The following GALNTL6 variants were observed in gnomAD, a reference collection of about 807,000 sequenced individuals.
GALNTL6 encodes polypeptide N-acetylgalactosaminyltransferase-like 6.
In GALNTL6, 46 loss-of-function variants were observed where a neutral mutation model predicts 73.7. That is an observed-to-expected ratio of 0.62 (90% CI 0.49 to 0.80). The LOEUF (loss-of-function observed/expected upper bound fraction) is 0.80, where lower values mean the gene tolerates loss of function less well. GALNTL6 is among the 30% of genes least tolerant of loss of function. GALNTL6 has a pLI of 0.00. For synonymous variants in GALNTL6, 259 were observed against 263.7 expected (o/e 0.98, Z 0.17); for missense variants, 604 against 755.0 (o/e 0.80, Z 2.34).
chr4:172,759,898 G>A (rs1371782014), intron 5 of GALNTL6, among the ~76,000 whole-genome samples: 1 of 131,770 alleles, frequency 7.6e-6, no homozygotes, highest in Non-Finnish European at 1.5e-5. Flanking sequence ...CTGCAGTGGC[G>A]CAATCTCGGC....
intron 8 of GALNTL6, among the ~76,000 whole-genome samples, chr4:172,898,410 A>C (rs1286085508): frequency 6.6e-6 from 1 of 151,838 alleles, no homozygotes; most frequent in Non-Finnish European, 1.5e-5. Flanking sequence ...AAGAAAATAA[A>C]GAGCAAAAGG....
chr4:171,968,939 C>A (rs957086975), intron 2 of GALNTL6, among the ~76,000 whole-genome samples: 1 of 151,714 alleles, frequency 6.6e-6, no homozygotes, highest in Non-Finnish European at 1.5e-5. Flanking sequence ...CAGGTTCAAG[C>A]GATTTTCCTG....
intron 5 of GALNTL6, among the ~76,000 whole-genome samples, chr4:172,628,700 G>A (rs1419264738): frequency 1.9e-4 from 29 of 152,020 alleles, no homozygotes; most frequent in Admixed American, 1.9e-3. Flanking sequence ...CATTATTCAA[G>A]GGCTCACAAT....
At chr4:171,936,068 T>A (rs753444482) in intron 2 of GALNTL6, among the ~76,000 whole-genome samples, 11 of 152,158 alleles carry the variant, frequency 7.2e-5, no homozygotes, top group African/African-American at 2.7e-4. Flanking sequence ...CAAAAAATTA[T>A]TTATGGTCTC....
At chr4:172,021,740 A>G (rs138205631) in intron 2 of GALNTL6, among the ~76,000 whole-genome samples, 2 of 152,198 alleles carry the variant, frequency 1.3e-5, no homozygotes, top group East Asian at 3.9e-4. Flanking sequence ...GCATAAAAAC[A>G]TATTATGTTC....
intron 5 of GALNTL6, among the ~76,000 whole-genome samples, chr4:172,399,314 AT>A (rs1014379353): frequency 4.6e-5 from 7 of 152,064 alleles, no homozygotes; most frequent in Non-Finnish European, 1.0e-4. Context: ...ATAAATTTTT[AT>A]TTTTGGCTAG....
At chr4:173,000,944 G>T (rs1312558912) in intron 10 of GALNTL6, among the ~76,000 whole-genome samples, 1 of 152,100 alleles carries the variant, frequency 6.6e-6, no homozygotes, top group African/African-American at 2.4e-5. Flanking sequence ...TGGAAATCAG[G>T]TTATTGCAGA....
intron 10 of GALNTL6, among the ~76,000 whole-genome samples, chr4:172,990,736 A>G (rs1579751399): frequency 6.6e-6 from 1 of 152,228 alleles, no homozygotes; most frequent in East Asian, 1.9e-4. Context: ...ACAATTAAAG[A>G]CAAAATCAAC....
chr4:172,700,911 G>T (rs1733990531), intron 5 of GALNTL6, among the ~76,000 whole-genome samples: 1 of 152,002 alleles, frequency 6.6e-6, no homozygotes, highest in Non-Finnish European at 1.5e-5. Context: ...AACCGAAAAT[G>T]CAACAGTCTG....
At chr4:172,658,423 C>T (rs1097576) in intron 5 of GALNTL6, among the ~76,000 whole-genome samples, 2,583 of 146,028 alleles carry the variant, frequency 0.018, 68 homozygotes, top group African/African-American at 0.056. Flanking sequence ...GCCGAGATCG[C>T]ACCACTGCAC....
chr4:172,632,023 T>C (rs941305629), intron 5 of GALNTL6, among the ~76,000 whole-genome samples: 2 of 152,222 alleles, frequency 1.3e-5, no homozygotes, highest in African/African-American at 4.8e-5. Context: ...ACAAGCTCTC[T>C]TGCCTGCTGC....
chr4:172,414,329 A>G (rs1007417137), intron 5 of GALNTL6, among the ~76,000 whole-genome samples: 2 of 152,164 alleles, frequency 1.3e-5, no homozygotes, highest in African/African-American at 4.8e-5. Flanking sequence ...ATGTATAATT[A>G]TATTTTCCAA....
At chr4:171,981,996 A>G (rs933287659) in intron 2 of GALNTL6, among the ~76,000 whole-genome samples, 1 of 152,134 alleles carries the variant, frequency 6.6e-6, no homozygotes, top group African/African-American at 2.4e-5. Context: ...ATATTTGAAT[A>G]GATGATAATT....
At chr4:172,599,840 T>C (rs940370509) in intron 5 of GALNTL6, among the ~76,000 whole-genome samples, 1 of 152,128 alleles carries the variant, frequency 6.6e-6, no homozygotes, top group African/African-American at 2.4e-5. Flanking sequence ...CTTAGTCACA[T>C]TGCTTATAAT....
At chr4:172,901,460 C>T (rs1746626326) in intron 8 of GALNTL6, among the ~76,000 whole-genome samples, 1 of 151,680 alleles carries the variant, frequency 6.6e-6, no homozygotes, top group South Asian at 2.1e-4. Flanking sequence ...TAAAATATAC[C>T]CTGGTCAGCA....
chr4:171,951,411 C>T (rs1414044605), intron 2 of GALNTL6, among the ~76,000 whole-genome samples: 10 of 151,882 alleles, frequency 6.6e-5, no homozygotes, highest in Non-Finnish European at 1.2e-4. Context: ...TGCTATATCA[C>T]CTTTTACTTA....
At chr4:172,293,252 T>A (rs1739533794) in intron 3 of GALNTL6, among the ~76,000 whole-genome samples, 1 of 152,170 alleles carries the variant, frequency 6.6e-6, no homozygotes. Context: ...TCATTTTTCC[T>A]CATGCCCCCA....
At chr4:172,840,451 C>A (rs1743147439) in intron 7 of GALNTL6, among the ~76,000 whole-genome samples, 1 of 152,202 alleles carries the variant, frequency 6.6e-6, no homozygotes, top group South Asian at 2.1e-4. Context: ...ACAAGCAAAT[C>A]TGGATAATTC....
Position 172,931,047 on chromosome 4 carries a change from A to T in GALNTL6, c.1042-114A>T, listed in dbSNP as rs528036578. ...CTGGTTAGCCATTTATAATAAGTAG[A>T]AATTATTGATTTAAAGACTTTTAGA... is the stretch of plus-strand genomic sequence containing the variant. On this transcript the variant is annotated intron_variant, in intron 8 of 12. Coordinates refer to ENST00000506823, the MANE Select transcript of GALNTL6 (RefSeq NM_001034845.3). 64 of 691,046 alleles carry T rather than the reference A, an allele frequency of 9.3e-5. 5 individuals carry two copies. The South Asian group carries it at 1.1e-3, about 12-fold the overall frequency. The allele number at this position is 691,046 out of a possible 1,614,324, so 42.8% of individuals were successfully genotyped here. A position where few individuals can be genotyped will look rare whatever the true frequency, so the allele number is the denominator to read the frequency against.
Sources: allele counts gnomAD v4.1 joint callset (sites outside exome capture counted in the v4.1 genomes callset), GRCh38; gene constraint gnomAD v4.1.1; transcripts MANE v1.5; gene names NCBI Gene and HGNC (gene_info 2026-07-23, HGNC 2026-07-21).